The following CSMD1 variants were observed in gnomAD, a reference collection of about 807,000 sequenced individuals.
CSMD1 encodes the protein CUB and sushi domain-containing protein 1.
CSMD1 carries 213 observed loss-of-function variants against 417.5 expected under a neutral mutation model. The ratio of observed to expected loss-of-function variants is 0.51; its 90% CI spans 0.46 to 0.57. CSMD1 has a LOEUF of 0.57. Ranked by LOEUF, CSMD1 falls within the 20% of genes least tolerant of loss-of-function variation. The pLI is 0.00. For synonymous variants in CSMD1, 2,862 were observed against 1,736.8 expected (o/e 1.65, Z -16.11); for missense variants, 6,923 against 4,529.7 (o/e 1.53, Z -15.17).
chr8:4,602,494 C>T (rs186551775), intron 2 of CSMD1, among the ~76,000 whole-genome samples: 72 of 152,278 alleles, frequency 4.7e-4, no homozygotes, highest in African/African-American at 1.6e-3. Context: ...CAGCACATCT[C>T]AGGTACGCAT....
intron 6 of CSMD1, among the ~76,000 whole-genome samples, chr8:3,710,417 G>T (rs996636201): frequency 6.6e-6 from 1 of 152,150 alleles, no homozygotes; most frequent in Non-Finnish European, 1.5e-5. Flanking sequence ...GACGATCAAT[G>T]CACCATCTTT....
At chr8:4,148,197 T>G (rs953352025) in intron 3 of CSMD1, among the ~76,000 whole-genome samples, 2 of 152,030 alleles carry the variant, frequency 1.3e-5, no homozygotes, top group African/African-American at 4.8e-5. Context: ...TATAACTAAC[T>G]GTAAGTTATA....
intron 10 of CSMD1, among the ~76,000 whole-genome samples, chr8:3,558,293 G>GTACCCCGTGTCCACTCCTGCAATGAT (rs1563152011): frequency 7.4e-6 from 1 of 134,650 alleles, no homozygotes; most frequent in Non-Finnish European, 1.6e-5. Flanking sequence ...GTGCCTCAAT[G>GTACCCCGTGTCCACTCCTGCAATGAT]GAACTCCGTG....
chr8:3,841,772 C>A (rs1803151857), intron 5 of CSMD1, among the ~76,000 whole-genome samples: 2 of 152,040 alleles, frequency 1.3e-5, no homozygotes, highest in Admixed American at 6.6e-5. Context: ...CATCCACAGA[C>A]AATGAAAATT....
intron 46 of CSMD1, among the ~76,000 whole-genome samples, chr8:3,098,319 G>C (rs1052647080): frequency 6.6e-5 from 10 of 152,128 alleles, no homozygotes; most frequent in African/African-American, 2.4e-4. Flanking sequence ...CAAGATAGAA[G>C]CTTTTCAAAC....
chr8:3,307,575 CCTTTT>C (rs1804974381), intron 25 of CSMD1, 115 bp downstream of exon 25: 1 of 1,187,926 alleles, frequency 8.4e-7, no homozygotes. Flanking sequence ...TACAGCTTTA[CCTTTT>C]CTTCTTTAGT....
chr8:4,275,518 C>G (rs143230388), intron 3 of CSMD1, among the ~76,000 whole-genome samples: 65 of 152,174 alleles, frequency 4.3e-4, no homozygotes, highest in African/African-American at 1.5e-3. Flanking sequence ...AACTGTGCTG[C>G]TTTTGTAACT....
At chr8:4,929,295 C>A (rs1217690771) in intron 1 of CSMD1, among the ~76,000 whole-genome samples, 1 of 152,114 alleles carries the variant, frequency 6.6e-6, no homozygotes, top group Non-Finnish European at 1.5e-5. Flanking sequence ...TTCCAGCCTC[C>A]CGAACCATGG....
intron 5 of CSMD1, among the ~76,000 whole-genome samples, chr8:3,836,445 G>A (rs1488637525): frequency 1.3e-5 from 2 of 152,046 alleles, no homozygotes; most frequent in Non-Finnish European, 2.9e-5. Context: ...TCCAATTTCT[G>A]CATTAATAGG....
intron 3 of CSMD1, among the ~76,000 whole-genome samples, chr8:4,288,684 C>T (rs541025410): frequency 2.0e-5 from 3 of 152,278 alleles, no homozygotes; most frequent in South Asian, 2.1e-4. Flanking sequence ...CATTTGTAAC[C>T]TCGTTGTAGA....
intron 2 of CSMD1, among the ~76,000 whole-genome samples, chr8:4,463,885 G>A (rs1799991321): frequency 6.6e-6 from 1 of 152,114 alleles, no homozygotes; most frequent in African/African-American, 2.4e-5. Context: ...GGTCAATATT[G>A]TGGTATGTGA....
At chr8:3,142,776 CCT>C in intron 40 of CSMD1, 102 bp from the exon 41 acceptor site, 5 of 985,640 alleles carry the variant, frequency 5.1e-6, no homozygotes, top group Non-Finnish European at 7.9e-6. Flanking sequence ...CCAGACAATC[CCT>C]CTCTGTGAGA....
chr8:3,440,329 A>G (rs1284108186), intron 12 of CSMD1, among the ~76,000 whole-genome samples: 1 of 152,308 alleles, frequency 6.6e-6, no homozygotes, highest in South Asian at 2.1e-4. Context: ...TTTCAATAGC[A>G]TTGTATAGTT....
intron 26 of CSMD1, among the ~76,000 whole-genome samples, chr8:3,256,406 C>T (rs934779632): frequency 2.6e-5 from 4 of 152,076 alleles, no homozygotes; most frequent in African/African-American, 9.7e-5. Context: ...TGTGCCCCAG[C>T]AGTACATGTT....
intron 46 of CSMD1, among the ~76,000 whole-genome samples, chr8:3,100,716 C>G (rs1815675284): frequency 2.0e-5 from 3 of 152,094 alleles, no homozygotes; most frequent in Admixed American, 2.0e-4. Flanking sequence ...GCTTAAAACC[C>G]AAAGCATCTT....
intron 2 of CSMD1, among the ~76,000 whole-genome samples, chr8:4,617,322 T>C (rs1801526498): frequency 6.6e-6 from 1 of 152,176 alleles, no homozygotes; most frequent in Non-Finnish European, 1.5e-5. Flanking sequence ...TAACCAAAAA[T>C]ATTCAAGTTT....
intron 49 of CSMD1, among the ~76,000 whole-genome samples, chr8:3,075,303 G>C (rs7012049): frequency 0.035 from 4,866 of 138,642 alleles, 296 homozygotes; most frequent in African/African-American, 0.12. Flanking sequence ...TTTAGATGGA[G>C]TTTCGCCCTG....
intron 3 of CSMD1, among the ~76,000 whole-genome samples, chr8:4,140,744 G>A (rs964093709): frequency 6.6e-6 from 1 of 150,860 alleles, no homozygotes; most frequent in African/African-American, 2.5e-5. Context: ...CCCACTCTAA[G>A]TATCTTCATC....
intron 66 of CSMD1, among the ~76,000 whole-genome samples, chr8:2,950,847 T>C (rs929027157): frequency 1.3e-5 from 2 of 152,178 alleles, no homozygotes; most frequent in African/African-American, 4.8e-5. Context: ...ACATGCAGTA[T>C]CTGTATACGA....
Sources: allele counts gnomAD v4.1 joint callset (sites outside exome capture counted in the v4.1 genomes callset), GRCh38; gene constraint gnomAD v4.1.1; transcripts MANE v1.5; gene names NCBI Gene and HGNC (gene_info 2026-07-23, HGNC 2026-07-21).